The following GKAP1 variants were observed in gnomAD, a reference collection of about 807,000 sequenced individuals.
GKAP1 encodes G kinase-anchoring protein 1.
Under a neutral mutation model 56.7 loss-of-function variants are expected in GKAP1, and 31 were observed. That is an observed-to-expected ratio of 0.55 (90% confidence interval 0.41 to 0.74). The LOEUF (loss-of-function observed/expected upper bound fraction) is 0.74. Among genes scored for constraint, GKAP1 ranks in the 30% least tolerant of loss-of-function variants. The probability of loss-of-function intolerance (pLI) is 0.00; values close to 1 mark genes in which losing one functional copy is unlikely to be tolerated. For synonymous variants in GKAP1, 151 were observed against 138.6 expected, an observed-to-expected ratio of 1.09 and a Z score of -0.63; for missense variants, 364 against 402.3, an observed-to-expected ratio of 0.90 and a Z score of 0.82.
chr9:83,761,098 T>C (rs1943562701), intron 8 of GKAP1, among the ~76,000 whole-genome samples: 1 of 149,954 alleles, frequency 6.7e-6, no homozygotes, highest in Admixed American at 6.6e-5. Flanking sequence ...AAGTTGATTT[T>C]TTGAAAAATT....
chr9:83,757,318 ATTAAG>A (rs752340316), intron 8 of GKAP1, among the ~76,000 whole-genome samples: 8 of 152,232 alleles, frequency 5.3e-5, no homozygotes, highest in Non-Finnish European at 1.0e-4. Flanking sequence ...GCTAAAGTTA[ATTAAG>A]TTAAGGATAT....
chr9:83,774,957 T>C (rs1346309674), intron 7 of GKAP1, among the ~76,000 whole-genome samples: 1 of 151,404 alleles, frequency 6.6e-6, no homozygotes, highest in East Asian at 1.9e-4. Flanking sequence ...TCCGCCCACC[T>C]CAGCTTCCCA....
chr9:83,768,674 ACC>A (rs1295014685), intron 8 of GKAP1, 142 bp downstream of exon 8: 3 of 685,404 alleles, frequency 4.4e-6, no homozygotes, highest in African/African-American at 1.8e-5. Context: ...TAATATAAAT[ACC>A]TTTGCGTGAT....
At chr9:83,813,330 T>C (rs575662948) in intron 2 of GKAP1, among the ~76,000 whole-genome samples, 1 of 152,388 alleles carries the variant, frequency 6.6e-6, no homozygotes, top group South Asian at 2.1e-4. Context: ...TCTATGAATA[T>C]GGTGGCTAAT....
intron 8 of GKAP1, among the ~76,000 whole-genome samples, chr9:83,755,903 C>T (rs1241306788): frequency 6.7e-6 from 1 of 148,696 alleles, no homozygotes; most frequent in African/African-American, 2.5e-5. Context: ...CTCCCAGGTT[C>T]AAGTGATTCT....
intron 7 of GKAP1, among the ~76,000 whole-genome samples, chr9:83,777,066 A>G (rs1322640639): frequency 6.6e-6 from 1 of 152,246 alleles, no homozygotes; most frequent in Non-Finnish European, 1.5e-5. Context: ...CGGACATGAT[A>G]GAAAATTCAG....
intron 4 of GKAP1, among the ~76,000 whole-genome samples, chr9:83,794,646 A>T (rs1205030292): frequency 6.6e-6 from 1 of 152,142 alleles, no homozygotes; most frequent in Admixed American, 6.5e-5. Context: ...TACACAATAA[A>T]ATTTGGTCTG....
chr9:83,770,798 G>A (rs1298761124), intron 7 of GKAP1, among the ~76,000 whole-genome samples: 2 of 152,158 alleles, frequency 1.3e-5, no homozygotes, highest in African/African-American at 4.8e-5. Context: ...GACCTCAGGT[G>A]ATCTGTCCGC....
chr9:83,746,696 AAAAT>A (rs529937845), intron 10 of GKAP1, among the ~76,000 whole-genome samples: 4 of 143,296 alleles, frequency 2.8e-5, no homozygotes, highest in Non-Finnish European at 4.6e-5. Flanking sequence ...TCCTTCTCAA[AAAAT>A]AAATAAATAA....
chr9:83,774,439 C>A (rs1286206264), intron 7 of GKAP1, among the ~76,000 whole-genome samples: 1 of 151,070 alleles, frequency 6.6e-6, no homozygotes, highest in African/African-American at 2.4e-5. Flanking sequence ...CTGTCTCTAC[C>A]AAAAATACAA....
intron 2 of GKAP1, among the ~76,000 whole-genome samples, chr9:83,813,335 G>T (rs561292811): frequency 6.6e-6 from 1 of 152,198 alleles, no homozygotes; most frequent in Non-Finnish European, 1.5e-5. Flanking sequence ...GAATATGGTG[G>T]CTAATACTGT....
intron 8 of GKAP1, among the ~76,000 whole-genome samples, 186 bp from the exon 9 acceptor site, chr9:83,753,545 G>T (rs1200317711): frequency 6.6e-6 from 1 of 152,168 alleles, no homozygotes; most frequent in Non-Finnish European, 1.5e-5. Flanking sequence ...AAGCAAGGAA[G>T]TATTTATAAT....
At chr9:83,742,332 CT>C (rs1943222187) in intron 11 of GKAP1, among the ~76,000 whole-genome samples, 197 bp downstream of exon 11, 1 of 152,166 alleles carries the variant, frequency 6.6e-6, no homozygotes, top group Non-Finnish European at 1.5e-5. Context: ...TTATCATCCC[CT>C]ATTCTTCAGG....
chr9:83,741,930 C>G lies in GKAP1; in HGVS notation c.1053+22G>C, dbSNP rs1012505808. 4 of 1,417,794 alleles carry G rather than the reference C, an allele frequency of 2.8e-6. No homozygotes were observed. In the Admixed American group the frequency reaches 7.3e-5, roughly 26 times the overall value. The allele number at this position is 1,417,794 out of a possible 1,614,324, so 87.8% of individuals were successfully genotyped here. A position where few individuals can be genotyped will look rare whatever the true frequency, so the allele number is the denominator to read the frequency against. On this transcript the variant is annotated intron_variant, in intron 12 of 12. Coordinates refer to ENST00000376371, the MANE Select transcript of GKAP1 (RefSeq NM_025211.4). ...AAATGTATTATTTGTGATAAAAACACTTATAAATTATAAAAGCATACCTGG... is the reference window on the plus strand; with the variant it reads ...AAATGTATTATTTGTGATAAAAACAGTTATAAATTATAAAAGCATACCTGG...
At chr9:83,784,327 C>A (rs1398901722) in intron 6 of GKAP1, among the ~76,000 whole-genome samples, 3 of 149,598 alleles carry the variant, frequency 2.0e-5, no homozygotes, top group Non-Finnish European at 4.4e-5. Flanking sequence ...GAGGTAGGAT[C>A]TTCAACAGGT....
Position 83,739,719 on chromosome 9 carries a change from G to T in GKAP1, c.1079C>A (p.Ser360Tyr), listed in dbSNP as rs1161082626. ...YQGGRKGKRN[S>Y]ESDQCR Reference sequence around the variant, plus strand: ...TAATCACCTACACTGGTCGGATTCAGAGTTTCTTTTCCCTTTTCTGCCACC... The same window carrying T: ...TAATCACCTACACTGGTCGGATTCATAGTTTCTTTTCCCTTTTCTGCCACC... Residue 360 changes from serine to tyrosine, a missense_variant, in exon 13 of 13, where the codon TCT (serine) becomes TAT (tyrosine). Ser to Tyr is a moderately radical substitution (Grantham distance 144, BLOSUM62 -2). Transcript: ENST00000376371. 8 of 1,607,090 alleles carry T rather than the reference G, an allele frequency of 5.0e-6. No individual in the cohort carries two copies. The highest frequency in any genetic ancestry group is 6.8e-6 in the Non-Finnish European group (8 of 1,177,186).
At position 83,759,790 on chromosome 9, in the gene GKAP1, T is replaced by C. The variant is rs78454442; in HGVS notation, c.739-6431A>G. ...GTTCTATATCCTTCCTAATAATTAG[T>C]AGTCTTTACCTTCCTTCGGTTTTTT... On this transcript the variant is annotated intron_variant, in intron 8 of 12. Transcript: ENST00000376371. Among the ~76,000 whole-genome samples the C allele has an allele frequency of 4.6e-3, 695 of 152,266 alleles. 3 individuals are homozygous for C. The highest frequency in any genetic ancestry group is 0.016 in the African/African-American group (652 of 41,522).
At chr9:83,812,095 G>A (rs1251671062) in intron 2 of GKAP1, among the ~76,000 whole-genome samples, 1 of 151,552 alleles carries the variant, frequency 6.6e-6, no homozygotes, top group African/African-American at 2.4e-5. Flanking sequence ...CCAAAATGAA[G>A]AAAGAAATGC....
Position 83,742,515 on chromosome 9 carries a change from T to G in GKAP1, c.975+15A>C, listed in dbSNP as rs948588267. The G allele has an allele frequency of 2.5e-6, 4 of 1,579,980 alleles. No individual in the cohort carries two copies. Among genetic ancestry groups the G allele is most frequent in the Non-Finnish European group, 2.6e-6 (3 of 1,153,744 alleles). On this transcript the variant is annotated intron_variant, in intron 11 of 12. Coordinates refer to ENST00000376371, the MANE Select transcript of GKAP1 (RefSeq NM_025211.4). ...GCTTAAGAAAACCAGTCATGTATGCTCCACAGTTCCTTACCTGAATAGTGA... is the reference window on the plus strand; with the variant it reads ...GCTTAAGAAAACCAGTCATGTATGCGCCACAGTTCCTTACCTGAATAGTGA...
Sources: gnomAD v4.1 joint callset for allele counts (sites outside exome capture counted in the v4.1 genomes callset) on GRCh38, gnomAD v4.1.1 for gene constraint, MANE v1.5 for transcripts, NCBI Gene and HGNC (gene_info 2026-07-23, HGNC 2026-07-21) for gene names.